FBXL17: variants seen among roughly 807,000 people sequenced by gnomAD.
The protein encoded by FBXL17 is F-box/LRR-repeat protein 17.
FBXL17 carries 22 observed loss-of-function variants against 66.2 expected under a neutral mutation model. The ratio of observed to expected loss-of-function variants is 0.33; its 90% CI spans 0.24 to 0.47. The LOEUF is 0.47. Among genes scored for constraint, FBXL17 ranks in the 20% least tolerant of loss-of-function variants. FBXL17 has a pLI of 1.00. For synonymous variants in FBXL17, 474 were observed against 400.5 expected (o/e 1.18, Z -2.19); for missense variants, 878 against 948.2 (o/e 0.93, Z 0.97).
At chr5:108,160,023 A>T (rs1451777812) in intron 6 of FBXL17, among the ~76,000 whole-genome samples, 3 of 151,916 alleles carry the variant, frequency 2.0e-5, no homozygotes, top group African/African-American at 7.3e-5. Flanking sequence ...GTCAAAAAAA[A>T]TTAGAAAAAC....
At chr5:108,182,955 T>A (rs1348660687) in intron 6 of FBXL17, among the ~76,000 whole-genome samples, 1 of 152,104 alleles carries the variant, frequency 6.6e-6, no homozygotes, top group East Asian at 1.9e-4. Flanking sequence ...TATCTCCCAT[T>A]AAATGACTCT....
intron 7 of FBXL17, among the ~76,000 whole-genome samples, chr5:107,989,110 C>T (rs1029001788): frequency 6.6e-6 from 1 of 151,880 alleles, no homozygotes; most frequent in East Asian, 1.9e-4. Flanking sequence ...TATTCGTCAC[C>T]CTAAACATTT....
chr5:108,250,245 T>C (rs1223010622), intron 4 of FBXL17, among the ~76,000 whole-genome samples: 1 of 152,144 alleles, frequency 6.6e-6, no homozygotes, highest in Non-Finnish European at 1.5e-5. Context: ...TCTCTTGGCA[T>C]GCTTGTCATC....
At chr5:108,203,873 T>C (rs1354453351) in intron 5 of FBXL17, among the ~76,000 whole-genome samples, 1 of 152,160 alleles carries the variant, frequency 6.6e-6, no homozygotes, top group Non-Finnish European at 1.5e-5. Flanking sequence ...TTCAGTTACT[T>C]ATGTTAAATC....
intron 4 of FBXL17, among the ~76,000 whole-genome samples, chr5:108,240,845 A>G (rs1014509751): frequency 2.0e-5 from 3 of 152,106 alleles, no homozygotes; most frequent in Admixed American, 6.5e-5. Flanking sequence ...CCCCAGCTCC[A>G]CGTAGCTCAG....
At chr5:108,369,454 T>C (rs1422598023) in intron 1 of FBXL17, among the ~76,000 whole-genome samples, 2 of 152,208 alleles carry the variant, frequency 1.3e-5, no homozygotes, top group Non-Finnish European at 2.9e-5. Context: ...ATCACTCATA[T>C]GTGGCTCAGA....
chr5:108,325,549 CTG>C (rs941619777), intron 4 of FBXL17, among the ~76,000 whole-genome samples: 8 of 152,040 alleles, frequency 5.3e-5, no homozygotes, highest in African/African-American at 1.4e-4. Flanking sequence ...AAGGTAGAAA[CTG>C]TGAAAAATAA....
At chr5:108,166,485 GA>G (rs1177487562) in intron 6 of FBXL17, among the ~76,000 whole-genome samples, 1 of 151,056 alleles carries the variant, frequency 6.6e-6, no homozygotes, top group Non-Finnish European at 1.5e-5. Flanking sequence ...TTAAAAAACT[GA>G]TAATAAATAA....
intron 7 of FBXL17, among the ~76,000 whole-genome samples, chr5:107,927,213 T>C (rs938067959): frequency 7.9e-5 from 12 of 152,002 alleles, no homozygotes; most frequent in Middle Eastern, 3.2e-3. Context: ...CATGACAGAG[T>C]GATATGTTAT....
At position 108,379,787 on chromosome 5, in the gene FBXL17, G is replaced by C. The variant is rs142915344; in HGVS notation, c.993+912C>G. Among the ~76,000 whole-genome samples the C allele has an allele frequency of 2.7e-3, 416 of 152,300 alleles. 3 individuals are homozygous for C. The highest frequency in any genetic ancestry group is 8.6e-3 in the African/African-American group (358 of 41,566). On this transcript the variant is annotated intron_variant, in intron 1 of 8. Transcript: ENST00000542267. ...ATAAAAACTCTATTATGTAACTAAA[G>C]TTTGTCACTAGCATTGACAAAACTG...
chr5:108,044,436 T>C (rs1269961407), intron 6 of FBXL17, among the ~76,000 whole-genome samples: 1 of 152,202 alleles, frequency 6.6e-6, no homozygotes, highest in Non-Finnish European at 1.5e-5. Flanking sequence ...ACAACTGATA[T>C]GATCATGTGA....
chr5:108,258,495 T>C (rs1018475629), intron 4 of FBXL17, among the ~76,000 whole-genome samples: 3 of 152,152 alleles, frequency 2.0e-5, no homozygotes, highest in Admixed American at 6.5e-5. Context: ...AAGCACTCAG[T>C]TGTTGAAAAG....
chr5:107,971,544 T>G (rs1412681185), intron 7 of FBXL17, among the ~76,000 whole-genome samples: 1 of 152,128 alleles, frequency 6.6e-6, no homozygotes, highest in Non-Finnish European at 1.5e-5. Flanking sequence ...AGTTCTTGAG[T>G]GTTCGCCCCT....
intron 6 of FBXL17, among the ~76,000 whole-genome samples, chr5:108,160,608 T>G (rs749682309): frequency 2.0e-5 from 3 of 152,128 alleles, no homozygotes; most frequent in Non-Finnish European, 4.4e-5. Flanking sequence ...AGACAAAAAT[T>G]CCATAGGGAA....
At chr5:108,156,037 C>G (rs1005656647) in intron 6 of FBXL17, among the ~76,000 whole-genome samples, 2 of 152,136 alleles carry the variant, frequency 1.3e-5, no homozygotes, top group African/African-American at 4.8e-5. Context: ...AAGAAGCAAC[C>G]TAGAAACAGT....
intron 6 of FBXL17, among the ~76,000 whole-genome samples, chr5:108,127,451 T>G (rs1750766560): frequency 6.6e-6 from 1 of 152,204 alleles, no homozygotes; most frequent in Non-Finnish European, 1.5e-5. Context: ...CTTCTCTTAC[T>G]CATATAAATA....
At chr5:108,319,899 T>A (rs1415718407) in intron 4 of FBXL17, among the ~76,000 whole-genome samples, 1 of 151,740 alleles carries the variant, frequency 6.6e-6, no homozygotes, top group East Asian at 1.9e-4. Flanking sequence ...AATAAACTTA[T>A]CAAAATATGA....
chr5:108,082,386 A>G (rs1748805188), intron 6 of FBXL17, among the ~76,000 whole-genome samples: 1 of 152,184 alleles, frequency 6.6e-6, no homozygotes, highest in Admixed American at 6.5e-5. Context: ...GCATTGTTAT[A>G]AAAATTAAAT....
intron 6 of FBXL17, among the ~76,000 whole-genome samples, chr5:108,081,190 G>C (rs1014883845): frequency 1.3e-5 from 2 of 151,968 alleles, no homozygotes; most frequent in Admixed American, 6.6e-5. Flanking sequence ...GTTAATGCTG[G>C]TCAGTTGTGC....
Sources: gnomAD v4.1 joint callset for allele counts (sites outside exome capture counted in the v4.1 genomes callset) on GRCh38, gnomAD v4.1.1 for gene constraint, MANE v1.5 for transcripts, NCBI Gene and HGNC (gene_info 2026-07-23, HGNC 2026-07-21) for gene names.